The following TBX15 variants were observed in gnomAD, a reference collection of about 807,000 sequenced individuals.
The protein encoded by TBX15 is T-box transcription factor 15.
TBX15 carries 18 observed loss-of-function variants against 53.9 expected under a neutral mutation model. The observed-to-expected ratio is 0.33, with a 90% confidence interval of 0.23 to 0.49. The LOEUF (loss-of-function observed/expected upper bound fraction) is 0.49. TBX15 is among the 20% of genes least tolerant of loss of function. TBX15 has a pLI of 0.98. For missense variants in TBX15, 692 were observed against 749.5 expected (o/e 0.92, Z 0.90); for synonymous variants, 295 against 278.0 (o/e 1.06, Z -0.61).
chr1:118,936,301 C>T (rs553546897), intron 1 of TBX15, among the ~76,000 whole-genome samples: 3 of 152,118 alleles, frequency 2.0e-5, no homozygotes, highest in Non-Finnish European at 4.4e-5. Context: ...GCCTAAATTG[C>T]ATACACTTTT....
intron 7 of TBX15, 40 bp downstream of exon 7, chr1:118,898,988 G>A: frequency 6.3e-7 from 1 of 1,594,054 alleles, no homozygotes. Flanking sequence ...CTCTGTCCCT[G>A]GCCCTATCAC....
intron 1 of TBX15, among the ~76,000 whole-genome samples, chr1:118,965,506 G>A (rs1031662255): frequency 2.0e-5 from 3 of 152,090 alleles, no homozygotes; most frequent in Admixed American, 1.3e-4. Context: ...ACAACCTTTC[G>A]GGAGGGTAAT....
At chr1:118,898,939 G>T in intron 7 of TBX15, 89 bp downstream of exon 7, 1 of 1,305,708 alleles carries the variant, frequency 7.7e-7, no homozygotes, top group Non-Finnish European at 1.1e-6. Flanking sequence ...CCCATATCTT[G>T]GCCTGAGGCC....
intron 3 of TBX15, among the ~76,000 whole-genome samples, chr1:118,925,080 C>T (rs1258675508): frequency 6.6e-6 from 1 of 152,134 alleles, no homozygotes; most frequent in African/African-American, 2.4e-5. Context: ...CTTCAGCCCT[C>T]GCAAGGAAAA....
chr1:118,910,848 G>C (rs1263202251), intron 6 of TBX15, among the ~76,000 whole-genome samples: 1 of 152,142 alleles, frequency 6.6e-6, no homozygotes, highest in Non-Finnish European at 1.5e-5. Context: ...CTGGCTTCCT[G>C]TTCTCTACTA....
intron 1 of TBX15, among the ~76,000 whole-genome samples, chr1:118,965,709 A>T (rs1268224840): frequency 6.6e-6 from 1 of 152,238 alleles, no homozygotes. Context: ...TGAAAGATCC[A>T]CACGATGGAA....
At chr1:118,937,413 A>T (rs1571189833) in intron 1 of TBX15, among the ~76,000 whole-genome samples, 1 of 152,158 alleles carries the variant, frequency 6.6e-6, no homozygotes, top group African/African-American at 2.4e-5. Context: ...GGGTGTCAGG[A>T]TATGGAGTTT....
rs531793196 is a variant in TBX15 at position 118,972,851 on chromosome 1, C to T, written c.205+14740G>A. ...CTGACTTCAGATGATCCACCTGCCT[C>T]GGCCTCCCAAAGTGCTGGGATTACA... is the stretch of plus-strand genomic sequence containing the variant. On this transcript the variant is annotated intron_variant, in intron 1 of 7. Transcript: ENST00000369429. Among the ~76,000 whole-genome samples the T allele has an allele frequency of 6.1e-4, 93 of 152,246 alleles. 2 individuals are homozygous for T. In the Middle Eastern group the frequency reaches 0.01, roughly 17 times the overall value.
At chr1:118,900,043 C>A (rs373013345) in intron 6 of TBX15, among the ~76,000 whole-genome samples, 1 of 152,074 alleles carries the variant, frequency 6.6e-6, no homozygotes, top group South Asian at 2.1e-4. Flanking sequence ...GATATCCATA[C>A]CCTCAAAACA....
At chr1:118,936,769 T>C (rs1002929724) in intron 1 of TBX15, among the ~76,000 whole-genome samples, 3 of 152,178 alleles carry the variant, frequency 2.0e-5, no homozygotes, top group Non-Finnish European at 4.4e-5. Context: ...GTTATTATTA[T>C]TATCTCCATT....
chr1:118,896,827 G>A (rs752781160), intron 7 of TBX15, among the ~76,000 whole-genome samples: 1 of 152,080 alleles, frequency 6.6e-6, no homozygotes, highest in African/African-American at 2.4e-5. Flanking sequence ...GGTGTTGTTG[G>A]TTTTACATCC....
chr1:118,905,124 CT>C (rs1654769832), intron 6 of TBX15, among the ~76,000 whole-genome samples: 1 of 152,176 alleles, frequency 6.6e-6, no homozygotes, highest in South Asian at 2.1e-4. Context: ...GAAGAATATA[CT>C]CTTACTTCAC....
chr1:118,983,773 C>T (rs1321621563), intron 1 of TBX15, among the ~76,000 whole-genome samples: 1 of 152,162 alleles, frequency 6.6e-6, no homozygotes, highest in Non-Finnish European at 1.5e-5. Flanking sequence ...GCAGACCCTC[C>T]GGCATCTCAC....
chr1:118,958,967 G>A (rs1333791432), intron 1 of TBX15, among the ~76,000 whole-genome samples: 4 of 151,502 alleles, frequency 2.6e-5, no homozygotes, highest in African/African-American at 4.8e-5. Context: ...CTAATTAATA[G>A]GGAGGCTCTC....
chr1:118,972,914 A>G (rs554699359), intron 1 of TBX15, among the ~76,000 whole-genome samples: 3 of 152,324 alleles, frequency 2.0e-5, no homozygotes, highest in African/African-American at 7.2e-5. Flanking sequence ...GGTTTCTCAT[A>G]AAAACACTAA....
At chr1:118,939,453 A>AAACCAAAT (rs1347284392) in intron 1 of TBX15, among the ~76,000 whole-genome samples, 3 of 149,304 alleles carry the variant, frequency 2.0e-5, no homozygotes, top group South Asian at 4.2e-4. Context: ...CAGGAACAGA[A>AAACCAAAT]AACCAAATAT....
In TBX15 at chr1:118,912,846, C is replaced by T. The variant is rs185397189; in HGVS notation, c.926+1269G>A. On this transcript the variant is annotated intron_variant, in intron 6 of 7. Coordinates refer to ENST00000369429, the MANE Select transcript of TBX15 (RefSeq NM_001330677.2). ...TAGTCCATAAGCCTGAGTTCTACTA[C>T]GCTCTACCACTAACAAGTAGTTGCT... Among the ~76,000 whole-genome samples the T allele has an allele frequency of 3.5e-4, 53 of 152,288 alleles. 1 individual carries two copies. The highest frequency in any genetic ancestry group is 5.0e-4 in the Non-Finnish European group (34 of 68,024).
At chr1:118,897,662 G>C (rs1025067728) in intron 7 of TBX15, among the ~76,000 whole-genome samples, 1 of 152,152 alleles carries the variant, frequency 6.6e-6, no homozygotes. Flanking sequence ...CCTCAATGTA[G>C]AGAATTCATG....
At chr1:118,920,016 T>C (rs1488594858) in intron 5 of TBX15, among the ~76,000 whole-genome samples, 1 of 152,200 alleles carries the variant, frequency 6.6e-6, no homozygotes, top group East Asian at 1.9e-4. Flanking sequence ...CATAGACTAG[T>C]ACTGATTCAG....
Sources: gnomAD v4.1 joint callset for allele counts (sites outside exome capture counted in the v4.1 genomes callset) on GRCh38, gnomAD v4.1.1 for gene constraint, MANE v1.5 for transcripts, NCBI Gene and HGNC (gene_info 2026-07-23, HGNC 2026-07-21) for gene names.